Variants in ALG6 observed in about 807,000 individuals in gnomAD.
The protein encoded by ALG6 is dolichyl pyrophosphate Man9GlcNAc2 alpha-1,3-glucosyltransferase.
Under a neutral mutation model 66.6 loss-of-function variants are expected in ALG6, and 46 were observed. The observed-to-expected ratio is 0.69, with a 90% confidence interval of 0.55 to 0.88. The LOEUF (loss-of-function observed/expected upper bound fraction) is 0.88. Among genes scored for constraint, ALG6 ranks in the 40% least tolerant of loss-of-function variants. The probability of loss-of-function intolerance (pLI) is 0.00; values close to 1 mark genes in which losing one functional copy is unlikely to be tolerated. For synonymous variants in ALG6, 185 were observed against 203.7 expected (o/e 0.91, Z 0.78); for missense variants, 505 against 586.8 (o/e 0.86, Z 1.44).
chr1:63,398,351 A>G (rs1336421855), intron 3 of ALG6, among the ~76,000 whole-genome samples: 2 of 152,238 alleles, frequency 1.3e-5, no homozygotes, highest in Non-Finnish European at 2.9e-5. Context: ...TGGAAGCTCT[A>G]AAGTAACACC....
At position 63,431,549 on chromosome 1, in the gene ALG6, TGG is replaced by T. The variant is rs541430556; in HGVS notation, c.1326+2425_1326+2426del. Among the ~76,000 whole-genome samples, 44 of 152,304 alleles carry T rather than the reference TGG, an allele frequency of 2.9e-4. 1 individual carries two copies. The highest frequency in any genetic ancestry group is 9.6e-4 in the African/African-American group (40 of 41,572). On this transcript the variant is annotated intron_variant, in intron 14 of 14. Coordinates refer to ENST00000263440, the MANE Select transcript of ALG6 (RefSeq NM_013339.4). ...TTCCCACCTCAGCCCCCTTAATAGCTGGGACTATGGGCCTGTGCCACCACACC... is the reference window on the plus strand; with the variant it reads ...TTCCCACCTCAGCCCCCTTAATAGCTGACTATGGGCCTGTGCCACCACACC...
chr1:63,372,328 T>C (rs1182003348), intron 2 of ALG6, among the ~76,000 whole-genome samples: 1 of 152,010 alleles, frequency 6.6e-6, no homozygotes, highest in East Asian at 1.9e-4. Flanking sequence ...GAGACAATAA[T>C]ATTAATAGTT....
chr1:63,402,718 C>T (rs1644471225), intron 4 of ALG6, among the ~76,000 whole-genome samples: 1 of 151,138 alleles, frequency 6.6e-6, no homozygotes, highest in African/African-American at 2.4e-5. Context: ...CTGCCCACCT[C>T]AGCCTCCCAA....
intron 2 of ALG6, among the ~76,000 whole-genome samples, chr1:63,389,885 T>C (rs1022305395): frequency 1.3e-5 from 2 of 152,188 alleles, no homozygotes; most frequent in African/African-American, 4.8e-5. Flanking sequence ...TTCTTTGGAT[T>C]ACCAGACAAA....
chr1:63,413,932 A>G (rs1644529101), intron 9 of ALG6, 129 bp from the exon 10 acceptor site: 4 of 673,040 alleles, frequency 5.9e-6, no homozygotes, highest in African/African-American at 3.6e-5. Context: ...GATTTAATCT[A>G]TTTAGTTATA....
intron 11 of ALG6, among the ~76,000 whole-genome samples, chr1:63,416,595 A>T (rs1253039126): frequency 6.6e-6 from 1 of 152,152 alleles, no homozygotes; most frequent in Non-Finnish European, 1.5e-5. Context: ...GACCTTGAAA[A>T]TCTTGGTTGA....
At chr1:63,415,849 A>T in intron 10 of ALG6, 24 bp from the exon 11 acceptor site, 1 of 1,480,074 alleles carries the variant, frequency 6.8e-7, no homozygotes, top group Non-Finnish European at 9.4e-7. Context: ...GAAGACAAAT[A>T]TTTGATTTGT....
intron 7 of ALG6, among the ~76,000 whole-genome samples, chr1:63,410,788 G>T (rs1213054009): frequency 2.0e-5 from 3 of 151,866 alleles, no homozygotes; most frequent in African/African-American, 7.3e-5. Flanking sequence ...CTTGCTGTTG[G>T]AACATTGTTT....
chr1:63,422,108 AAT>A (rs34619936), intron 12 of ALG6, among the ~76,000 whole-genome samples: 19,192 of 104,128 alleles, frequency 0.18, 1,808 homozygotes, highest in South Asian at 0.29. Context: ...TATAAATATA[AAT>A]ATATATAAAT....
In ALG6 at chr1:63,404,516, A is replaced by G. The variant is rs766050737; in HGVS notation, c.321A>G (p.Ala107=). The G allele has an allele frequency of 3.0e-5, 48 of 1,613,662 alleles. No homozygotes were observed. Among genetic ancestry groups the G allele is most frequent in the Non-Finnish European group, 4.1e-5 (48 of 1,179,746 alleles). The change falls in exon 5 of 15, where the codon GCA becomes GCG. Residue 107 remains alanine, a synonymous_variant. Transcript: ENST00000263440. ...LHTSRGYESQ[A]HKLFMRTTVL... ...CATCACGTGGATATGAGAGTCAGGC[A>G]CATAAGCTCTTCATGCGTACAACAG...
intron 2 of ALG6, among the ~76,000 whole-genome samples, chr1:63,380,566 T>C (rs903841314): frequency 6.6e-6 from 1 of 152,224 alleles, no homozygotes; most frequent in African/African-American, 2.4e-5. Context: ...GTCTCCTAAT[T>C]GTGACACATA....
intron 1 of ALG6, among the ~76,000 whole-genome samples, chr1:63,368,006 C>A (rs920164496): frequency 6.6e-6 from 1 of 152,116 alleles, no homozygotes; most frequent in Non-Finnish European, 1.5e-5. Flanking sequence ...ATATACACGC[C>A]CGGGATAGCT....
intron 3 of ALG6, among the ~76,000 whole-genome samples, chr1:63,401,222 A>T (rs899639845): frequency 4.6e-5 from 7 of 152,174 alleles, no homozygotes; most frequent in Non-Finnish European, 8.8e-5. Flanking sequence ...TCTTCCATAC[A>T]AACCTATGTT....
intron 12 of ALG6, among the ~76,000 whole-genome samples, chr1:63,425,649 G>GT (rs1644611257): frequency 1.3e-5 from 2 of 152,212 alleles, no homozygotes; most frequent in Non-Finnish European, 2.9e-5. Flanking sequence ...AGTGAGACCA[G>GT]TTAGTATGGG....
At chr1:63,418,764 G>A (rs547645130) in intron 11 of ALG6, among the ~76,000 whole-genome samples, 1 of 152,258 alleles carries the variant, frequency 6.6e-6, no homozygotes, top group African/African-American at 2.4e-5. Flanking sequence ...GAAGTGGATG[G>A]ATATTGTATT....
chr1:63,370,161 T>TAA (rs71244580), intron 1 of ALG6, among the ~76,000 whole-genome samples: 41 of 139,872 alleles, frequency 2.9e-4, no homozygotes, highest in Middle Eastern at 3.6e-3. Flanking sequence ...AGGAAAACTG[T>TAA]AAAAAAAAAA....
chr1:63,414,290 C>CA, intron 10 of ALG6, 144 bp downstream of exon 10: 1 of 609,046 alleles, frequency 1.6e-6, no homozygotes. Flanking sequence ...CTGGCTCTGT[C>CA]ACCCAGGTTG....
At chr1:63,411,424 T>C in intron 8 of ALG6, 93 bp downstream of exon 8, 1 of 1,177,912 alleles carries the variant, frequency 8.5e-7, no homozygotes, top group African/African-American at 1.6e-5. Flanking sequence ...TCACTTTGCC[T>C]TTTGGTGATT....
At position 63,411,937 on chromosome 1, in the gene ALG6, T is replaced by C. The variant is rs1644518425; in HGVS notation, c.692T>C (p.Leu231Pro). ...TGTTTTTGTTTTAGGTTTGTGTTGC[T>C]AGTTAAGCTAGCTTGTATTGTTGTG... ...KGLKGKGFVLLVKLACIVVAS... is the reference protein window; with the variant it reads ...KGLKGKGFVLPVKLACIVVAS... The change falls in exon 9 of 15, where the codon CTA (leucine) becomes CCA (proline). Residue 231 changes from leucine (L) to proline (P), a missense_variant. Transcript: ENST00000263440. The C allele has an allele frequency of 6.2e-7, 1 of 1,614,132 alleles. No individual in the cohort carries two copies. The highest frequency in any genetic ancestry group is 1.1e-5 in the South Asian group (1 of 91,090).
Sources: allele counts gnomAD v4.1 joint callset (sites outside exome capture counted in the v4.1 genomes callset), GRCh38; gene constraint gnomAD v4.1.1; transcripts MANE v1.5; gene names NCBI Gene and HGNC (gene_info 2026-07-23, HGNC 2026-07-21).